The following BNC2 variants were observed in gnomAD, a reference collection of about 807,000 sequenced individuals.
BNC2 encodes zinc finger protein basonuclin-2.
A neutral mutation model predicts 76.3 loss-of-function variants in BNC2; 20 were observed. The observed-to-expected ratio is 0.26, with a 90% CI of 0.18 to 0.38. The LOEUF (loss-of-function observed/expected upper bound fraction) is 0.38, where lower values mean the gene tolerates loss of function less well. Among genes scored for constraint, BNC2 ranks in the 10% least tolerant of loss-of-function variants. The pLI, the probability that BNC2 is intolerant of heterozygous loss-of-function variation, is 1.00. For synonymous variants in BNC2, 582 were observed against 514.8 expected (o/e 1.13, Z -1.77); for missense variants, 1,382 against 1,399.8 (o/e 0.99, Z 0.20).
At chr9:16,587,092 G>C (rs536252250) in intron 3 of BNC2, among the ~76,000 whole-genome samples, 3 of 151,884 alleles carry the variant, frequency 2.0e-5, no homozygotes, top group Non-Finnish European at 4.4e-5. Context: ...TTATTTCACA[G>C]AGGAAACTAA....
chr9:16,580,852 T>C (rs189546976), intron 4 of BNC2, among the ~76,000 whole-genome samples: 77 of 152,302 alleles, frequency 5.1e-4, no homozygotes, highest in African/African-American at 3.1e-4. Context: ...TCTTTAATTT[T>C]CATAATAAGA....
At chr9:16,647,453 G>T (rs551356351) in intron 3 of BNC2, among the ~76,000 whole-genome samples, 1 of 152,272 alleles carries the variant, frequency 6.6e-6, no homozygotes, top group African/African-American at 2.4e-5. Context: ...GTGGCTCAGG[G>T]AAAGGAGGTC....
intron 6 of BNC2, among the ~76,000 whole-genome samples, chr9:16,426,346 G>A (rs924809109): frequency 2.2e-5 from 3 of 134,120 alleles, no homozygotes; most frequent in African/African-American, 8.5e-5. Flanking sequence ...TTTTTTGTCA[G>A]TATAGATGGG....
intron 4 of BNC2, among the ~76,000 whole-genome samples, chr9:16,555,038 A>T (rs575340057): frequency 6.6e-6 from 1 of 151,172 alleles, no homozygotes; most frequent in African/African-American, 2.5e-5. Flanking sequence ...ATTATTTTTT[A>T]AGACGGAGTC....
intron 3 of BNC2, among the ~76,000 whole-genome samples, chr9:16,636,691 A>C (rs1821338915): frequency 6.6e-6 from 1 of 152,156 alleles, no homozygotes; most frequent in African/African-American, 2.4e-5. Context: ...AAATCTAAAG[A>C]ACAACAAGAA....
intron 3 of BNC2, among the ~76,000 whole-genome samples, chr9:16,668,196 C>G (rs1439956403): frequency 6.6e-6 from 1 of 152,178 alleles, no homozygotes; most frequent in Non-Finnish European, 1.5e-5. Context: ...CTGTGTTGCC[C>G]AGGCTAGTCT....
At chr9:16,576,999 G>A (rs1381246444) in intron 4 of BNC2, among the ~76,000 whole-genome samples, 2 of 152,174 alleles carry the variant, frequency 1.3e-5, no homozygotes, top group Admixed American at 6.5e-5. Context: ...GCCTCCCAAA[G>A]TGCTGGGATT....
intron 5 of BNC2, among the ~76,000 whole-genome samples, chr9:16,535,176 T>C (rs1446999518): frequency 2.0e-5 from 3 of 152,244 alleles, no homozygotes; most frequent in African/African-American, 4.8e-5. Flanking sequence ...TTATTGTTTA[T>C]GGCAACGTTG....
In BNC2 at chr9:16,498,530, G is replaced by A. The variant is rs1387828249; in HGVS notation, c.669+54000C>T. 2.0e-5 allele frequency among the ~76,000 whole-genome samples: 3 copies of A among 150,968 alleles called. No homozygotes were observed. The East Asian group carries it at 5.8e-4, about 29-fold the overall frequency. On this transcript the variant is annotated intron_variant, in intron 5 of 6. Transcript: ENST00000380672. ...GGGACTTAGGGGGAAGAGTGGGAGG[G>A]GGGTGAGGGATAAAAGACTACAAAT...
chr9:16,865,154 A>G (rs1207606263), intron 1 of BNC2, among the ~76,000 whole-genome samples: 1 of 152,120 alleles, frequency 6.6e-6, no homozygotes, highest in Non-Finnish European at 1.5e-5. Context: ...TAATAAACAC[A>G]AAAAAGCAGG....
intron 1 of BNC2, among the ~76,000 whole-genome samples, chr9:16,862,211 T>C (rs904191136): frequency 6.6e-6 from 1 of 152,174 alleles, no homozygotes; most frequent in Non-Finnish European, 1.5e-5. Context: ...CAAAAACTTG[T>C]ACATGAATGT....
intron 1 of BNC2, among the ~76,000 whole-genome samples, chr9:16,746,748 G>T (rs755597063): frequency 2.0e-4 from 30 of 151,500 alleles, no homozygotes; most frequent in Non-Finnish European, 3.8e-4. Context: ...GGATCATGAG[G>T]TCAGGAGATC....
chr9:16,704,012 A>T (rs1823589565), intron 3 of BNC2, among the ~76,000 whole-genome samples: 1 of 152,240 alleles, frequency 6.6e-6, no homozygotes, highest in Non-Finnish European at 1.5e-5. Flanking sequence ...AGAGAAATGC[A>T]GTCCAAAAGT....
At chr9:16,498,578 T>C (rs1298094451) in intron 5 of BNC2, among the ~76,000 whole-genome samples, 2 of 151,616 alleles carry the variant, frequency 1.3e-5, no homozygotes, top group Non-Finnish European at 2.9e-5. Context: ...ATACGGCTGA[T>C]GGGTGCACCA....
At chr9:16,661,712 T>A (rs1822115808) in intron 3 of BNC2, among the ~76,000 whole-genome samples, 1 of 152,196 alleles carries the variant, frequency 6.6e-6, no homozygotes, top group Admixed American at 6.5e-5. Context: ...TGATTTGTTG[T>A]GAGAACATTC....
intron 3 of BNC2, among the ~76,000 whole-genome samples, chr9:16,609,333 G>A (rs975179855): frequency 6.6e-5 from 10 of 152,178 alleles, no homozygotes; most frequent in African/African-American, 2.4e-4. Flanking sequence ...ATTTCCAATA[G>A]AGGGGGGGAA....
chr9:16,491,426 T>A (rs1483125960), intron 5 of BNC2, among the ~76,000 whole-genome samples: 1 of 152,100 alleles, frequency 6.6e-6, no homozygotes, highest in African/African-American at 2.4e-5. Context: ...ATGACAAAAC[T>A]TAAGAGGATC....
chr9:16,611,127 T>C (rs1236421997), intron 3 of BNC2, among the ~76,000 whole-genome samples: 1 of 152,182 alleles, frequency 6.6e-6, no homozygotes, highest in East Asian at 1.9e-4. Flanking sequence ...ATGGTTCTAA[T>C]TCTATGCTTT....
intron 3 of BNC2, among the ~76,000 whole-genome samples, chr9:16,721,522 T>C (rs1043386119): frequency 1.3e-5 from 2 of 152,026 alleles, no homozygotes; most frequent in African/African-American, 4.8e-5. Flanking sequence ...CCCCAAACAA[T>C]CTTCTGACCA....
Sources: allele counts gnomAD v4.1 joint callset (sites outside exome capture counted in the v4.1 genomes callset), GRCh38; gene constraint gnomAD v4.1.1; transcripts MANE v1.5; gene names NCBI Gene and HGNC (gene_info 2026-07-23, HGNC 2026-07-21).